Variants in AK7 observed in about 807,000 individuals in gnomAD.
AK7 encodes the protein ATP-AMP transphosphorylase 7.
Under a neutral mutation model 96.6 loss-of-function variants are expected in AK7, and 78 were observed. The ratio of observed to expected loss-of-function variants is 0.81; its 90% CI spans 0.67 to 0.97. AK7 has a LOEUF of 0.97. Among genes scored for constraint, AK7 ranks in the 50% least tolerant of loss-of-function variants. AK7 has a pLI of 0.00. For synonymous variants in AK7, 302 were observed against 317.2 expected, an observed-to-expected ratio of 0.95 and a Z score of 0.51; for missense variants, 855 against 887.9, an observed-to-expected ratio of 0.96 and a Z score of 0.47.
At chr14:96,471,829 T>G (rs796252863) in intron 13 of AK7, among the ~76,000 whole-genome samples, 5 of 152,158 alleles carry the variant, frequency 3.3e-5, no homozygotes, top group East Asian at 3.8e-4. Context: ...AAATTTTATT[T>G]TATTGTATTG....
At chr14:96,476,331 C>A (rs982162176) in intron 14 of AK7, among the ~76,000 whole-genome samples, 1 of 152,046 alleles carries the variant, frequency 6.6e-6, no homozygotes, top group East Asian at 1.9e-4. Flanking sequence ...CATGGTGAAA[C>A]CCCATCTCTA....
intron 2 of AK7, among the ~76,000 whole-genome samples, chr14:96,400,141 C>T (rs922413458): frequency 6.8e-6 from 1 of 146,634 alleles, no homozygotes; most frequent in Admixed American, 7.2e-5. Flanking sequence ...TGGGTTCAAG[C>T]GATTCTCCTG....
chr14:96,457,525 A>G (rs927622066), intron 11 of AK7, among the ~76,000 whole-genome samples: 4 of 152,202 alleles, frequency 2.6e-5, no homozygotes, highest in Admixed American at 2.0e-4. Flanking sequence ...AACACTCTAC[A>G]GGGCTGTCCT....
intron 15 of AK7, among the ~76,000 whole-genome samples, chr14:96,481,812 C>G (rs1895520681): frequency 6.6e-6 from 1 of 151,480 alleles, no homozygotes; most frequent in East Asian, 1.9e-4. Context: ...TCAAGTGATC[C>G]TCCTGCCTAA....
chr14:96,441,825 T>A (rs1277666114), intron 6 of AK7, among the ~76,000 whole-genome samples: 1 of 151,692 alleles, frequency 6.6e-6, no homozygotes, highest in Non-Finnish European at 1.5e-5. Flanking sequence ...CCTCAATGTC[T>A]CCCTTCTCTC....
intron 9 of AK7, among the ~76,000 whole-genome samples, chr14:96,450,446 GAAAC>G (rs1893529446): frequency 6.9e-5 from 10 of 144,102 alleles, no homozygotes; most frequent in African/African-American, 2.3e-4. Context: ...AAAAAAAAAA[GAAAC>G]AAAACAAAAT....
intron 9 of AK7, among the ~76,000 whole-genome samples, chr14:96,450,587 G>GT (rs764275888): frequency 3.1e-4 from 47 of 150,898 alleles, no homozygotes; most frequent in African/African-American, 1.1e-3. Flanking sequence ...AAAAAATAGG[G>GT]TTTTTTGCAG....
At chr14:96,393,109 A>G (rs1321125887) in intron 1 of AK7, among the ~76,000 whole-genome samples, 1 of 152,090 alleles carries the variant, frequency 6.6e-6, no homozygotes, top group Non-Finnish European at 1.5e-5. Flanking sequence ...CTGTGTCTTT[A>G]TCCCTGGAAA....
chr14:96,394,182 G>A (rs1168688981), intron 1 of AK7, among the ~76,000 whole-genome samples: 1 of 152,002 alleles, frequency 6.6e-6, no homozygotes, highest in Non-Finnish European at 1.5e-5. Flanking sequence ...ATAGTTCTCA[G>A]AGGGCACAGC....
chr14:96,420,009 G>A (rs1308652965), intron 4 of AK7, among the ~76,000 whole-genome samples: 5 of 151,172 alleles, frequency 3.3e-5, no homozygotes, highest in Admixed American at 6.6e-5. Context: ...GGCTGGTCTC[G>A]TGCCTGCCAC....
At chr14:96,422,043 C>T (rs1006527359) in intron 5 of AK7, among the ~76,000 whole-genome samples, 4 of 152,278 alleles carry the variant, frequency 2.6e-5, no homozygotes, top group Non-Finnish European at 4.4e-5. Context: ...GGGGGGTCAC[C>T]GCCTTCTGGT....
chr14:96,398,398 T>C, intron 2 of AK7, 135 bp downstream of exon 2: 2 of 897,716 alleles, frequency 2.2e-6, no homozygotes, highest in Non-Finnish European at 3.4e-6. Context: ...AGGGAATGGC[T>C]TTCTCCTGTA....
At chr14:96,413,038 G>A (rs1300167919) in intron 4 of AK7, among the ~76,000 whole-genome samples, 4 of 152,218 alleles carry the variant, frequency 2.6e-5, no homozygotes, top group Non-Finnish European at 4.4e-5. Context: ...TACACAAATT[G>A]TATTCTGTAA....
At chr14:96,443,966 G>A (rs1893095002) in intron 7 of AK7, among the ~76,000 whole-genome samples, 2 of 151,878 alleles carry the variant, frequency 1.3e-5, no homozygotes, top group African/African-American at 4.8e-5. Flanking sequence ...TAGTAGAGAT[G>A]GGGTTTCACC....
intron 12 of AK7, among the ~76,000 whole-genome samples, chr14:96,458,915 A>C (rs1244767236): frequency 2.4e-5 from 3 of 123,664 alleles, no homozygotes; most frequent in Non-Finnish European, 4.9e-5. Context: ...GTCTCAACAA[A>C]AAAAAAAAAA....
Position 96,446,593 on chromosome 14 carries a change from G to A in AK7, c.856G>A (p.Glu286Lys). The A allele has an allele frequency of 6.2e-7, 1 of 1,614,012 alleles. No individual in the cohort carries two copies. The highest frequency in any genetic ancestry group is 1.1e-5 in the South Asian group (1 of 91,084). ...TGTGGATGAGTCTGTTCATACCCTG[G>A]AAGACATAGTCAAGGTACAGTGGTT... ...VAVDESVHTL[E>K]DIVKCISKNT... The change falls in exon 8 of 18, where the codon GAA (glutamate) becomes AAA (lysine). Residue 286 changes from glutamate (E) to lysine (K), a missense_variant. Transcript: ENST00000267584.
At chr14:96,395,718 GAAAAAAAAAAAAAA>G (rs71103518) in intron 1 of AK7, among the ~76,000 whole-genome samples, 8 of 41,034 alleles carry the variant, frequency 1.9e-4, no homozygotes, top group African/African-American at 2.7e-4. Context: ...CTTGTCTCTA[GAAAAAAAAAAAAAA>G]AAAAAAAAAA....
At chr14:96,473,280 C>G (rs568207089) in intron 14 of AK7, among the ~76,000 whole-genome samples, 63 of 151,246 alleles carry the variant, frequency 4.2e-4, no homozygotes, top group African/African-American at 1.4e-3. Context: ...ACGCCATTCT[C>G]CTGCCTCAGT....
intron 15 of AK7, among the ~76,000 whole-genome samples, chr14:96,479,178 G>A (rs543514029): frequency 9.2e-5 from 14 of 151,882 alleles, no homozygotes; most frequent in African/African-American, 2.4e-4. Context: ...CCGGGTTCAC[G>A]CCATTCTCCT....
Sources: allele counts gnomAD v4.1 joint callset (sites outside exome capture counted in the v4.1 genomes callset), GRCh38; gene constraint gnomAD v4.1.1; transcripts MANE v1.5; gene names NCBI Gene and HGNC (gene_info 2026-07-23, HGNC 2026-07-21).